The following MELK variants were observed in gnomAD, a reference collection of about 807,000 sequenced individuals.
MELK encodes pEg3 kinase.
A neutral mutation model predicts 85.0 loss-of-function variants in MELK; 81 were observed. That is an observed-to-expected ratio of 0.95 (90% CI 0.80 to 1.15). The LOEUF (loss-of-function observed/expected upper bound fraction) is 1.15. Among genes scored for constraint, MELK ranks in the 50% most tolerant of loss-of-function variants. The pLI is 0.00. For missense variants in MELK, 754 were observed against 777.5 expected, an observed-to-expected ratio of 0.97 and a Z score of 0.36; for synonymous variants, 252 against 265.0, an observed-to-expected ratio of 0.95 and a Z score of 0.48.
At chr9:36,676,717 CTTTA>C (rs1833381337) in intron 17 of MELK, among the ~76,000 whole-genome samples, 1 of 152,182 alleles carries the variant, frequency 6.6e-6, no homozygotes, top group Non-Finnish European at 1.5e-5. Context: ...CTGGCTTCAG[CTTTA>C]TTTATATGAA....
At chr9:36,603,260 G>A (rs1825118031) in intron 7 of MELK, among the ~76,000 whole-genome samples, 1 of 152,058 alleles carries the variant, frequency 6.6e-6, no homozygotes. Context: ...TTTTGGTTTC[G>A]TTTTCTGAGA....
At chr9:36,587,141 G>A (rs572790526) in intron 3 of MELK, among the ~76,000 whole-genome samples, 1 of 151,666 alleles carries the variant, frequency 6.6e-6, no homozygotes, top group Non-Finnish European at 1.5e-5. Context: ...GAGCCACCAC[G>A]CCTGGCCGAT....
chr9:36,599,209 G>A (rs913588049), intron 6 of MELK, among the ~76,000 whole-genome samples, 185 bp from the exon 7 acceptor site: 1 of 150,592 alleles, frequency 6.6e-6, no homozygotes, highest in Non-Finnish European at 1.5e-5. Flanking sequence ...GCTGAGGCAG[G>A]AGAATCACTT....
At chr9:36,671,713 C>A (rs1010637898) in intron 16 of MELK, among the ~76,000 whole-genome samples, 5 of 151,916 alleles carry the variant, frequency 3.3e-5, no homozygotes, top group African/African-American at 1.2e-4. Context: ...CTGGTGTGGA[C>A]AATATATTTA....
At chr9:36,586,333 C>T (rs1822900120) in intron 3 of MELK, among the ~76,000 whole-genome samples, 1 of 150,680 alleles carries the variant, frequency 6.6e-6, no homozygotes, top group Non-Finnish European at 1.5e-5. Flanking sequence ...CAGAACAAGA[C>T]CCTGTCTCCA....
chr9:36,631,216 G>A lies in MELK; in HGVS notation c.735+849G>A, dbSNP rs143625525. Among the ~76,000 whole-genome samples the A allele has an allele frequency of 9.5e-3, 1,447 of 151,724 alleles. 16 individuals carry two copies. The highest frequency in any genetic ancestry group is 0.015 in the Non-Finnish European group (1,039 of 67,930). On this transcript the variant is annotated intron_variant, in intron 9 of 17. Transcript: ENST00000298048. Reference sequence around the variant, plus strand: ...TGACCTCACGTTTTCTGCCTGCCTCGACCTCTCAAAATCCAAAGTGCTGGG... The same window carrying A: ...TGACCTCACGTTTTCTGCCTGCCTCAACCTCTCAAAATCCAAAGTGCTGGG...
At chr9:36,616,417 C>A (rs929124069) in intron 8 of MELK, among the ~76,000 whole-genome samples, 1 of 120,114 alleles carries the variant, frequency 8.3e-6, no homozygotes, top group Non-Finnish European at 1.8e-5. Context: ...TAAGGCAGAG[C>A]CTTACTTTGT....
In MELK at chr9:36,677,359, C is replaced by CCGG; in HGVS notation, c.*23_*25dup. ...ATAATTGATGGATTCTTCCATCCTG[C>CCGG]CGGATGAGTGTGGGTGTGATACAGC... On this transcript the variant is annotated 3_prime_UTR_variant, in exon 18 of 18. Coordinates refer to ENST00000298048, the MANE Select transcript of MELK (RefSeq NM_014791.4). 1 of 1,596,816 alleles carries CCGG rather than the reference C, an allele frequency of 6.3e-7. No homozygotes were observed. The highest frequency in any genetic ancestry group is 8.6e-7 in the Non-Finnish European group (1 of 1,169,436).
intron 8 of MELK, among the ~76,000 whole-genome samples, chr9:36,611,816 C>G (rs1826087073): frequency 6.6e-6 from 1 of 150,962 alleles, no homozygotes; most frequent in African/African-American, 2.4e-5. Flanking sequence ...TGCTGTTGCC[C>G]AGGCTAGAGT....
chr9:36,635,117 T>A (rs1402825267), intron 10 of MELK, among the ~76,000 whole-genome samples: 1 of 152,140 alleles, frequency 6.6e-6, no homozygotes, highest in Non-Finnish European at 1.5e-5. Context: ...AAAATTAATA[T>A]ATTTTACTGG....
chr9:36,675,405 G>C (rs1833258893), intron 17 of MELK, among the ~76,000 whole-genome samples: 1 of 152,142 alleles, frequency 6.6e-6, no homozygotes, highest in Non-Finnish European at 1.5e-5. Context: ...ATTCTCTTTT[G>C]TTTGGTTCAA....
At chr9:36,642,716 A>G (rs75444544) in intron 10 of MELK, among the ~76,000 whole-genome samples, 3,137 of 152,166 alleles carry the variant, frequency 0.021, 96 homozygotes, top group African/African-American at 0.068. Flanking sequence ...GGTGTGAACT[A>G]TTGTGCCCGG....
chr9:36,605,218 A>T (rs552522511), intron 7 of MELK, among the ~76,000 whole-genome samples: 1 of 151,136 alleles, frequency 6.6e-6, no homozygotes, highest in Non-Finnish European at 1.5e-5. Context: ...TTTGCTTTGA[A>T]TTTTTTTTGA....
intron 4 of MELK, 87 bp from the exon 5 acceptor site, chr9:36,594,541 C>CT (rs1209496433): frequency 6.9e-7 from 1 of 1,455,004 alleles, no homozygotes; most frequent in Non-Finnish European, 9.4e-7. Flanking sequence ...AATAATATCT[C>CT]TGAGTTAAGT....
chr9:36,665,987 G>A (rs576739647), intron 14 of MELK, among the ~76,000 whole-genome samples: 3 of 152,122 alleles, frequency 2.0e-5, no homozygotes, highest in Non-Finnish European at 4.4e-5. Context: ...TCAAGCTGAC[G>A]CCTCCGCTGA....
At chr9:36,649,441 C>G (rs62541989) in intron 11 of MELK, among the ~76,000 whole-genome samples, 1 of 151,800 alleles carries the variant, frequency 6.6e-6, no homozygotes, top group Non-Finnish European at 1.5e-5. Context: ...GACCCAAGAT[C>G]GCGCCACTGC....
At chr9:36,590,112 G>A (rs1370108899) in intron 4 of MELK, among the ~76,000 whole-genome samples, 8 of 151,742 alleles carry the variant, frequency 5.3e-5, no homozygotes, top group East Asian at 1.9e-4. Flanking sequence ...TAGTAGAGAC[G>A]GGGTTTCACG....
At chr9:36,648,370 C>T (rs1446726440) in intron 11 of MELK, among the ~76,000 whole-genome samples, 1 of 152,148 alleles carries the variant, frequency 6.6e-6, no homozygotes, top group Admixed American at 6.5e-5. Context: ...GCTCAGGAAT[C>T]AGAGGTACCA....
Position 36,651,847 on chromosome 9 carries a change from A to G in MELK, c.1023A>G (p.Gln341=). The G allele has an allele frequency of 1.2e-6, 2 of 1,613,970 alleles. No individual in the cohort carries two copies. The highest frequency in any genetic ancestry group is 1.3e-5 in the African/African-American group (1 of 75,010). The change falls in exon 12 of 18, where the codon CAA becomes CAG. Residue 341 remains glutamine (Q), a synonymous_variant. Coordinates refer to ENST00000298048, the MANE Select transcript of MELK (RefSeq NM_014791.4). ...GGCTTTCTTCTTTCTCCTGTGGACAAGCCAGTGCTACCCCATTCACAGACA... is the reference window on the plus strand; with the variant it reads ...GGCTTTCTTCTTTCTCCTGTGGACAGGCCAGTGCTACCCCATTCACAGACA... ...RLRLSSFSCG[Q]ASATPFTDIK...
Sources: gnomAD v4.1 joint callset for allele counts (sites outside exome capture counted in the v4.1 genomes callset) on GRCh38, gnomAD v4.1.1 for gene constraint, MANE v1.5 for transcripts, NCBI Gene and HGNC (gene_info 2026-07-23, HGNC 2026-07-21) for gene names.